Variants in GGACT observed in about 807,000 individuals in gnomAD.
The protein encoded by GGACT is gamma-glutamylamine cyclotransferase.
For synonymous variants in GGACT, 118 were observed against 115.3 expected (o/e 1.02, Z -0.15); for missense variants, 241 against 233.2 (o/e 1.03, Z -0.22).
At chr13:100,543,389 G>A (rs1169810300) in intron 2 of GGACT, among the ~76,000 whole-genome samples, 1 of 151,772 alleles carries the variant, frequency 6.6e-6, no homozygotes, top group Non-Finnish European at 1.5e-5. Flanking sequence ...TGTATTTTTA[G>A]TAGAGATGGG....
At chr13:100,550,701 G>A (rs2088655103) in intron 2 of GGACT, among the ~76,000 whole-genome samples, 1 of 152,158 alleles carries the variant, frequency 6.6e-6, no homozygotes, top group African/African-American at 2.4e-5. Flanking sequence ...AACGTGCAAA[G>A]CCCCAGCTGT....
intron 2 of GGACT, among the ~76,000 whole-genome samples, chr13:100,542,673 C>G (rs2088565639): frequency 6.6e-6 from 1 of 152,176 alleles, no homozygotes; most frequent in Non-Finnish European, 1.5e-5. Context: ...ATCCAAGAGG[C>G]CAAAGCTGAA....
chr13:100,540,220 C>A (rs893017059), intron 2 of GGACT: 1 of 1,418,660 alleles, frequency 7.0e-7, no homozygotes, highest in East Asian at 2.3e-5. Context: ...CTTTTTGGCA[C>A]GACCATTGTT....
intron 2 of GGACT, among the ~76,000 whole-genome samples, chr13:100,571,388 G>C (rs1396198386): frequency 6.6e-6 from 1 of 152,208 alleles, no homozygotes; most frequent in Non-Finnish European, 1.5e-5. Context: ...GCCATTCTTT[G>C]ATATTGCTCT....
chr13:100,541,558 A>ATATC (rs2088555282), intron 2 of GGACT: 1 of 152,270 alleles, frequency 6.6e-6, no homozygotes, highest in Non-Finnish European at 1.5e-5. Flanking sequence ...TCTTCTAGAA[A>ATATC]TATCTACTAG....
chr13:100,546,458 C>T (rs947141956), intron 2 of GGACT, among the ~76,000 whole-genome samples: 1 of 112,028 alleles, frequency 8.9e-6, no homozygotes, highest in Non-Finnish European at 1.8e-5. Flanking sequence ...AAACTTAAAA[C>T]TGATATTGTA....
In GGACT at chr13:100,558,167, C is replaced by T. The variant is rs971745307; in HGVS notation, c.-10-25566G>A. Among the ~76,000 whole-genome samples the T allele has an allele frequency of 8.9e-5, 11 of 123,614 alleles. 1 individual carries two copies. Among genetic ancestry groups the T allele is most frequent in the South Asian group, 5.3e-4 (2 of 3,774 alleles). 81.1% of individuals were successfully genotyped at this position (123,614 alleles called of 152,430 possible). A position where few individuals can be genotyped will look rare whatever the true frequency, so the allele number is the denominator to read the frequency against. On this transcript the variant is annotated intron_variant, in intron 2 of 2. Coordinates refer to ENST00000683975, the MANE Select transcript of GGACT (RefSeq NM_001195087.2). ...TGCGCTCCAGCCTGGGCAAGAGGAA[C>T]GAAAAACTCCATCTCAAAAAAAAAA...
chr13:100,534,256 T>G lies in GGACT; in HGVS notation c.-10-1655A>C, dbSNP rs982117366. 6.6e-6 allele frequency among the ~76,000 whole-genome samples: 1 copy of G among 152,086 alleles called. No homozygotes were observed. The highest frequency in any genetic ancestry group is 2.4e-5 in the African/African-American group (1 of 41,404). ...CATTGCACTAGGAAAGGTGTGGCCG[T>G]GGGAAAAACACAAGGCTAGCCAGAT... is the stretch of plus-strand genomic sequence containing the variant. On this transcript the variant is annotated intron_variant, in intron 2 of 2. Transcript: ENST00000683975. This position sits in a 1 kb window ranked among gnomAD's most constrained non-coding sequence, Gnocchi z 4.9.
At chr13:100,547,595 T>G (rs928197258) in intron 2 of GGACT, among the ~76,000 whole-genome samples, 4 of 152,214 alleles carry the variant, frequency 2.6e-5, no homozygotes, top group Non-Finnish European at 5.9e-5. Context: ...TAGCCCCGAA[T>G]CAGAAGCTGA....
intron 1 of GGACT, among the ~76,000 whole-genome samples, chr13:100,588,186 A>G (rs1217346857): frequency 1.3e-5 from 2 of 152,226 alleles, no homozygotes; most frequent in Non-Finnish European, 2.9e-5. Flanking sequence ...AATGATAACC[A>G]TAATTAATAA....
chr13:100,535,620 C>A (rs2088480384), intron 2 of GGACT: 1 of 152,248 alleles, frequency 6.6e-6, no homozygotes, highest in Non-Finnish European at 1.5e-5. Context: ...GGCTCTCCTA[C>A]CACATCCCGC....
chr13:100,550,448 ACACAC>A (rs2088652110), intron 2 of GGACT, among the ~76,000 whole-genome samples: 1 of 151,158 alleles, frequency 6.6e-6, no homozygotes, highest in African/African-American at 2.5e-5. Context: ...ACACACACAC[ACACAC>A]ACACACCACT....
At chr13:100,549,617 G>C (rs1286081296) in intron 2 of GGACT, among the ~76,000 whole-genome samples, 1 of 152,262 alleles carries the variant, frequency 6.6e-6, no homozygotes, top group African/African-American at 2.4e-5. Flanking sequence ...AGTGGGCTCT[G>C]TAAGGCAGGA....
intron 2 of GGACT, among the ~76,000 whole-genome samples, chr13:100,565,534 C>T (rs2088803007): frequency 7.2e-6 from 1 of 139,464 alleles, no homozygotes; most frequent in Non-Finnish European, 1.6e-5. Flanking sequence ...AAGGATTCTG[C>T]AAAAGCATCT....
chr13:100,570,878 G>A (rs943054467), intron 2 of GGACT, among the ~76,000 whole-genome samples: 1 of 152,116 alleles, frequency 6.6e-6, no homozygotes, highest in African/African-American at 2.4e-5. Context: ...TTAAATGCCT[G>A]CTCAGATGAT....
intron 2 of GGACT, chr13:100,536,762 TC>T (rs1257363127): frequency 6.6e-6 from 1 of 152,276 alleles, no homozygotes; most frequent in Non-Finnish European, 1.5e-5. Flanking sequence ...CTCTGCACTT[TC>T]CCCCAATGCT....
In GGACT at chr13:100,577,586, AT is replaced by A. The variant is rs1875290284; in HGVS notation, c.-11+6238del. Among the ~76,000 whole-genome samples the A allele has an allele frequency of 2.0e-5, 3 of 152,104 alleles. No homozygotes were observed. The South Asian group carries it at 6.2e-4, about 32-fold the overall frequency. ...AAATATTTGGGGGTGAAATGACATGATTTCTGGCATTTGCTTCAAAACTCTA... is the reference window on the plus strand; with the variant it reads ...AAATATTTGGGGGTGAAATGACATGATTCTGGCATTTGCTTCAAAACTCTA... On this transcript the variant is annotated intron_variant, in intron 2 of 2. Transcript: ENST00000683975.
At chr13:100,532,658 C>CT in intron 2 of GGACT, 57 bp from the exon 3 acceptor site, 1 of 1,383,386 alleles carries the variant, frequency 7.2e-7, no homozygotes, top group Non-Finnish European at 9.8e-7. Context: ...GTGTCTGCAC[C>CT]TGGGACGTGG....
chr13:100,551,339 A>G (rs1234758798), intron 2 of GGACT, among the ~76,000 whole-genome samples: 6 of 152,090 alleles, frequency 3.9e-5, no homozygotes, highest in African/African-American at 1.4e-4. Flanking sequence ...AAAACCAAGG[A>G]TGTTCTCCTC....
Sources: allele counts gnomAD v4.1 joint callset (sites outside exome capture counted in the v4.1 genomes callset), GRCh38; gene constraint gnomAD v4.1.1; non-coding constraint Gnocchi (gnomAD v3.1); transcripts MANE v1.5; gene names NCBI Gene and HGNC (gene_info 2026-07-23, HGNC 2026-07-21).